The following SUCLG2 variants were observed in gnomAD, a reference collection of about 807,000 sequenced individuals.
The protein encoded by SUCLG2 is succinate-CoA ligase GDP-forming subunit beta.
A neutral mutation model predicts 47.9 loss-of-function variants in SUCLG2; 42 were observed. The observed-to-expected ratio is 0.88, with a 90% CI of 0.69 to 1.14. The LOEUF (loss-of-function observed/expected upper bound fraction) is 1.14. Among genes scored for constraint, SUCLG2 ranks in the 50% most tolerant of loss-of-function variants. The pLI is 0.00. For synonymous variants in SUCLG2, 195 were observed against 197.3 expected (o/e 0.99, Z 0.10); for missense variants, 571 against 525.9 (o/e 1.09, Z -0.84).
At chr3:67,626,025 T>TATATATATATATACA (rs55738024) in intron 1 of SUCLG2, among the ~76,000 whole-genome samples, 24 of 69,548 alleles carry the variant, frequency 3.5e-4, no homozygotes, top group African/African-American at 1.1e-3. Context: ...TATATTTACA[T>TATATATATATATACA]TTTTTTTTTT....
chr3:67,467,191 T>A (rs1019781379), intron 9 of SUCLG2, among the ~76,000 whole-genome samples: 5 of 152,206 alleles, frequency 3.3e-5, no homozygotes, highest in Non-Finnish European at 7.3e-5. Context: ...CCTCTTGAGA[T>A]TGATAATATA....
rs577688677 is a variant in SUCLG2, at chr3:67,472,528, CA to C, written c.1062+23269del. Among the ~76,000 whole-genome samples, 10 of 152,254 alleles carry C rather than the reference CA, an allele frequency of 6.6e-5. No homozygotes were observed. In the South Asian group the frequency reaches 2.1e-3, roughly 32 times the overall value. On this transcript the variant is annotated intron_variant, in intron 9 of 10. Transcript: ENST00000307227. ...TATTTTTACCCAACTGTCACTATTA[CA>C]CTTAGATTTATTTACTTTAATTATA...
intron 9 of SUCLG2, among the ~76,000 whole-genome samples, chr3:67,442,418 C>G (rs1441132819): frequency 6.6e-6 from 1 of 152,154 alleles, no homozygotes; most frequent in Non-Finnish European, 1.5e-5. Flanking sequence ...GACAACTGCA[C>G]ATTTTGCGTC....
At chr3:67,643,921 C>A (rs781183904) in intron 1 of SUCLG2, among the ~76,000 whole-genome samples, 50 of 152,332 alleles carry the variant, frequency 3.3e-4, no homozygotes, top group Non-Finnish European at 5.4e-4. Context: ...AGGTGATCCA[C>A]CCACCTGGGC....
chr3:67,446,761 C>T (rs1272704453), intron 9 of SUCLG2, among the ~76,000 whole-genome samples: 1 of 151,840 alleles, frequency 6.6e-6, no homozygotes, highest in African/African-American at 2.4e-5. Context: ...CAAAACAATG[C>T]CAGGCACTCA....
At chr3:67,386,917 T>C (rs971276897) in intron 10 of SUCLG2, among the ~76,000 whole-genome samples, 1 of 152,190 alleles carries the variant, frequency 6.6e-6, no homozygotes, top group Non-Finnish European at 1.5e-5. Context: ...TGTACCCCCA[T>C]CCTTTGACAT....
intron 4 of SUCLG2, among the ~76,000 whole-genome samples, chr3:67,524,977 C>T (rs1470779448): frequency 1.3e-5 from 2 of 152,198 alleles, no homozygotes; most frequent in African/African-American, 4.8e-5. Context: ...AAGAAATCAA[C>T]ACCAATTAAC....
At chr3:67,556,803 A>T (rs1172221626) in intron 2 of SUCLG2, among the ~76,000 whole-genome samples, 2 of 152,206 alleles carry the variant, frequency 1.3e-5, no homozygotes, top group African/African-American at 4.8e-5. Context: ...GGATAACAAG[A>T]TGTTTTTAAC....
chr3:67,479,025 T>C (rs1235020518), intron 9 of SUCLG2, among the ~76,000 whole-genome samples: 2 of 152,212 alleles, frequency 1.3e-5, no homozygotes, highest in African/African-American at 4.8e-5. Context: ...GAATTAAAAG[T>C]AGCTCAAGTC....
chr3:67,393,390 G>C (rs1702441176), intron 10 of SUCLG2, among the ~76,000 whole-genome samples: 1 of 152,226 alleles, frequency 6.6e-6, no homozygotes, highest in South Asian at 2.1e-4. Context: ...GGCTCAGAGG[G>C]TCCTACGCCC....
intron 1 of SUCLG2, among the ~76,000 whole-genome samples, chr3:67,616,966 G>A (rs1237087288): frequency 6.6e-6 from 1 of 152,198 alleles, no homozygotes; most frequent in Admixed American, 6.5e-5. Flanking sequence ...GAAGGCAGAT[G>A]CTTGGTGGGC....
chr3:67,650,310 C>T (rs535268284), intron 1 of SUCLG2, among the ~76,000 whole-genome samples: 3 of 152,330 alleles, frequency 2.0e-5, no homozygotes, highest in Non-Finnish European at 4.4e-5. Flanking sequence ...CTCCCACTTC[C>T]GTAAAGGCAG....
intron 10 of SUCLG2, among the ~76,000 whole-genome samples, chr3:67,365,337 T>C (rs1469303296): frequency 6.6e-6 from 1 of 152,132 alleles, no homozygotes; most frequent in Non-Finnish European, 1.5e-5. Context: ...TAAGTCTGAG[T>C]ATGACTATGT....
intron 10 of SUCLG2, among the ~76,000 whole-genome samples, chr3:67,380,206 G>T (rs1279879337): frequency 1.1e-4 from 16 of 151,672 alleles, no homozygotes; most frequent in African/African-American, 3.9e-4. Flanking sequence ...GTTACCTAGG[G>T]GTTTTGGGAG....
intron 2 of SUCLG2, among the ~76,000 whole-genome samples, chr3:67,597,495 A>G (rs935915119): frequency 1.3e-5 from 2 of 152,168 alleles, no homozygotes; most frequent in African/African-American, 4.8e-5. Flanking sequence ...TGAATGGGAA[A>G]GTTTTAGCCC....
chr3:67,510,913 A>G (rs979835525), intron 6 of SUCLG2, among the ~76,000 whole-genome samples: 7 of 135,432 alleles, frequency 5.2e-5, no homozygotes, highest in African/African-American at 1.9e-4. Context: ...TTTTTTTGAG[A>G]CCGAGACTTG....
At chr3:67,597,735 C>T (rs1398891046) in intron 2 of SUCLG2, among the ~76,000 whole-genome samples, 4 of 152,090 alleles carry the variant, frequency 2.6e-5, no homozygotes, top group Middle Eastern at 6.9e-3. Flanking sequence ...GTCAGGAGTT[C>T]GAGACCAGCC....
At chr3:67,467,560 AAGTATAGGAT>A (rs1339022034) in intron 9 of SUCLG2, among the ~76,000 whole-genome samples, 3 of 152,244 alleles carry the variant, frequency 2.0e-5, no homozygotes, top group Non-Finnish European at 4.4e-5. Flanking sequence ...TACCTTGAAC[AAGTATAGGAT>A]AGGATATCCT....
At chr3:67,565,887 G>A (rs1707441817) in intron 2 of SUCLG2, among the ~76,000 whole-genome samples, 1 of 152,190 alleles carries the variant, frequency 6.6e-6, no homozygotes, top group South Asian at 2.1e-4. Context: ...CTTCCACAAG[G>A]CAGATTCACT....
Sources: gnomAD v4.1 joint callset for allele counts (sites outside exome capture counted in the v4.1 genomes callset) on GRCh38, gnomAD v4.1.1 for gene constraint, MANE v1.5 for transcripts, NCBI Gene and HGNC (gene_info 2026-07-23, HGNC 2026-07-21) for gene names.